Variants in MAGI1 observed in about 807,000 individuals in gnomAD.
MAGI1 encodes the protein membrane associated guanylate kinase, WW and PDZ domain containing 1, also known as membrane-associated guanylate kinase, WW and PDZ domain-containing protein 1.
MAGI1 carries 58 observed loss-of-function variants against 139.9 expected under a neutral mutation model. That is an observed-to-expected ratio of 0.41 (90% CI 0.34 to 0.52). The LOEUF (loss-of-function observed/expected upper bound fraction) is 0.52. Among genes scored for constraint, MAGI1 ranks in the 20% least tolerant of loss-of-function variants. MAGI1 has a pLI of 0.12. For synonymous variants in MAGI1, 812 were observed against 737.9 expected (o/e 1.10, Z -1.63); for missense variants, 1,874 against 1,901.6 (o/e 0.99, Z 0.27).
At chr3:65,957,777 T>A (rs1276298271) in intron 1 of MAGI1, among the ~76,000 whole-genome samples, 1 of 152,048 alleles carries the variant, frequency 6.6e-6, no homozygotes, top group Non-Finnish European at 1.5e-5. Flanking sequence ...TGTTGTTTTG[T>A]TTTGTTTTGG....
At chr3:65,798,480 C>T (rs183992231) in intron 1 of MAGI1, among the ~76,000 whole-genome samples, 1 of 152,232 alleles carries the variant, frequency 6.6e-6, no homozygotes, top group Non-Finnish European at 1.5e-5. Context: ...CAAAGGAAGC[C>T]GCCAACTGTA....
chr3:65,435,550 T>C (rs916545586), intron 10 of MAGI1, among the ~76,000 whole-genome samples: 1 of 152,044 alleles, frequency 6.6e-6, no homozygotes, highest in African/African-American at 2.4e-5. Context: ...CATCAGAAAA[T>C]GTATATCAAG....
At chr3:65,949,877 T>G (rs2063713833) in intron 1 of MAGI1, among the ~76,000 whole-genome samples, 1 of 151,874 alleles carries the variant, frequency 6.6e-6, no homozygotes, top group African/African-American at 2.4e-5. Context: ...GGCGAAACCC[T>G]GCCTCTGCAA....
At chr3:65,713,107 G>C (rs1188147386) in intron 1 of MAGI1, among the ~76,000 whole-genome samples, 1 of 152,154 alleles carries the variant, frequency 6.6e-6, no homozygotes, top group African/African-American at 2.4e-5. Flanking sequence ...AGCTTTCCAG[G>C]CCCCATTCCT....
chr3:65,644,945 C>T (rs368875801), intron 1 of MAGI1, among the ~76,000 whole-genome samples: 29 of 148,866 alleles, frequency 1.9e-4, no homozygotes, highest in African/African-American at 6.2e-4. Context: ...TGCAGTGAGC[C>T]GAGATTACAC....
chr3:65,985,544 T>A (rs1025845624), intron 1 of MAGI1, among the ~76,000 whole-genome samples: 29 of 152,194 alleles, frequency 1.9e-4, no homozygotes, highest in African/African-American at 6.5e-4. Flanking sequence ...TTACATGGAA[T>A]TGAACATTTT....
At chr3:65,381,077 T>C (rs908743474) in intron 16 of MAGI1, among the ~76,000 whole-genome samples, 14 of 152,210 alleles carry the variant, frequency 9.2e-5, no homozygotes, top group African/African-American at 3.1e-4. Context: ...CTCTGGGTTC[T>C]GCCTTAAAGG....
intron 1 of MAGI1, among the ~76,000 whole-genome samples, chr3:65,872,472 TGGAGGCCACAAACACACACTCTAA>T (rs2059971434): frequency 6.6e-6 from 1 of 152,158 alleles, no homozygotes; most frequent in South Asian, 2.1e-4. Flanking sequence ...CTGCACACAC[TGGAGGCCACAAACACACACTCTAA>T]GCATAAAGCT....
At chr3:65,489,201 C>T (rs1387438596) in intron 3 of MAGI1, among the ~76,000 whole-genome samples, 1 of 152,088 alleles carries the variant, frequency 6.6e-6, no homozygotes, top group Non-Finnish European at 1.5e-5. Flanking sequence ...GCATATAATG[C>T]ACTTTGAAGA....
intron 1 of MAGI1, among the ~76,000 whole-genome samples, chr3:65,632,159 T>G (rs1559738494): frequency 6.6e-6 from 1 of 152,190 alleles, no homozygotes; most frequent in Non-Finnish European, 1.5e-5. Context: ...GAATATTATT[T>G]TAAAGGTTCT....
chr3:65,996,288 AC>A (rs1019073382), intron 1 of MAGI1, among the ~76,000 whole-genome samples: 3 of 152,212 alleles, frequency 2.0e-5, no homozygotes, highest in African/African-American at 7.2e-5. Context: ...AACACAGAAC[AC>A]AATAAGCTCT....
chr3:65,489,659 T>G (rs1341811552), intron 3 of MAGI1, among the ~76,000 whole-genome samples: 1 of 152,164 alleles, frequency 6.6e-6, no homozygotes, highest in Non-Finnish European at 1.5e-5. Flanking sequence ...TTATAAAGAA[T>G]GAGGTGAAAC....
chr3:65,651,537 G>A (rs999484347), intron 1 of MAGI1, among the ~76,000 whole-genome samples: 1 of 152,054 alleles, frequency 6.6e-6, no homozygotes, highest in Non-Finnish European at 1.5e-5. Context: ...TGCGGCATGT[G>A]GACCTGCACA....
chr3:65,876,127 A>G (rs1431099289), intron 1 of MAGI1, among the ~76,000 whole-genome samples: 1 of 147,412 alleles, frequency 6.8e-6, no homozygotes, highest in African/African-American at 2.5e-5. Context: ...AAATTAAGCA[A>G]AAAAAAAAAA....
At chr3:65,407,481 C>T (rs1188968802) in intron 12 of MAGI1, among the ~76,000 whole-genome samples, 3 of 150,230 alleles carry the variant, frequency 2.0e-5, no homozygotes, top group Non-Finnish European at 4.4e-5. Flanking sequence ...TCTGAACTTC[C>T]AAGAGCGGAG....
At chr3:65,900,061 C>T (rs2061154951) in intron 1 of MAGI1, among the ~76,000 whole-genome samples, 1 of 152,024 alleles carries the variant, frequency 6.6e-6, no homozygotes, top group Non-Finnish European at 1.5e-5. Flanking sequence ...TTTACATTAT[C>T]ATGTGTCCCA....
At chr3:65,950,367 T>C (rs559760237) in intron 1 of MAGI1, among the ~76,000 whole-genome samples, 2 of 152,144 alleles carry the variant, frequency 1.3e-5, no homozygotes, top group African/African-American at 4.8e-5. Context: ...ACCCTCCTGG[T>C]AAGGGTACTC....
At chr3:65,399,552 G>A (rs1322466734) in intron 13 of MAGI1, among the ~76,000 whole-genome samples, 1 of 152,160 alleles carries the variant, frequency 6.6e-6, no homozygotes, top group Non-Finnish European at 1.5e-5. Context: ...CAAGCTGGGG[G>A]CTTATTATTT....
intron 2 of MAGI1, among the ~76,000 whole-genome samples, chr3:65,577,076 T>C (rs2108100137): frequency 6.6e-6 from 1 of 152,316 alleles, no homozygotes; most frequent in Non-Finnish European, 1.5e-5. Flanking sequence ...TAATACTCTA[T>C]AATAACTCAG....
Sources: gnomAD v4.1 joint callset for allele counts (sites outside exome capture counted in the v4.1 genomes callset) on GRCh38, gnomAD v4.1.1 for gene constraint, MANE v1.5 for transcripts, NCBI Gene and HGNC (gene_info 2026-07-23, HGNC 2026-07-21) for gene names.